POU2F1: variants seen among roughly 807,000 people sequenced by gnomAD.
The protein encoded by POU2F1 is POU domain, class 2, transcription factor 1.
POU2F1 carries 16 observed loss-of-function variants against 84.9 expected under a neutral mutation model. The observed-to-expected ratio is 0.19, with a 90% CI of 0.13 to 0.29. POU2F1 has a LOEUF of 0.29. POU2F1 is among the 10% of genes least tolerant of loss of function. POU2F1 has a pLI of 1.00. For synonymous variants in POU2F1, 368 were observed against 368.3 expected, an observed-to-expected ratio of 1.00 and a Z score of 0.01; for missense variants, 738 against 942.6, an observed-to-expected ratio of 0.78 and a Z score of 2.84.
chr1:167,290,455 T>TTA (rs1653846395), intron 1 of POU2F1, among the ~76,000 whole-genome samples: 1 of 152,230 alleles, frequency 6.6e-6, no homozygotes, highest in Admixed American at 6.5e-5. Flanking sequence ...ATGCATATGA[T>TTA]TATACCCTTT....
At chr1:167,278,237 G>A (rs1317324140) in intron 1 of POU2F1, among the ~76,000 whole-genome samples, 3 of 152,008 alleles carry the variant, frequency 2.0e-5, no homozygotes, top group Admixed American at 6.6e-5. Context: ...CATTCTTCAC[G>A]TCTCAACACA....
chr1:167,310,202 G>A (rs186599688), intron 1 of POU2F1, among the ~76,000 whole-genome samples: 92 of 152,148 alleles, frequency 6.0e-4, no homozygotes, highest in Non-Finnish European at 1.0e-3. Context: ...GAAGAAAGGG[G>A]AATAAAGAAA....
intron 1 of POU2F1, among the ~76,000 whole-genome samples, chr1:167,221,883 C>G (rs1008522012): frequency 1.3e-5 from 2 of 151,892 alleles, no homozygotes; most frequent in Admixed American, 1.3e-4. Context: ...GAGGGGATGT[C>G]CTCTGGGGCG....
intron 2 of POU2F1, among the ~76,000 whole-genome samples, chr1:167,361,514 A>T (rs1372731551): frequency 6.6e-6 from 1 of 152,162 alleles, no homozygotes; most frequent in Non-Finnish European, 1.5e-5. Flanking sequence ...ACATCCCAGA[A>T]ATAAAGCCCA....
intron 1 of POU2F1, among the ~76,000 whole-genome samples, chr1:167,293,027 C>G (rs1654032194): frequency 6.6e-6 from 1 of 152,120 alleles, no homozygotes; most frequent in Non-Finnish European, 1.5e-5. Flanking sequence ...AAAGCCATAT[C>G]TGACAAACCC....
rs1199850855 is a variant in POU2F1, at chr1:167,383,796, C to T, written c.719-61C>T. ...CAGCTCATTTTCTGATTCTTTCTTTCTTTTGCCATGTGTTCGAAGAAATCT... is the reference window on the plus strand; with the variant it reads ...CAGCTCATTTTCTGATTCTTTCTTTTTTTTGCCATGTGTTCGAAGAAATCT... On this transcript the variant is annotated intron_variant, in intron 7 of 15. Coordinates refer to ENST00000367866, the MANE Select transcript of POU2F1 (RefSeq NM_002697.4). 7.0e-6 allele frequency: 10 copies of T among 1,432,454 alleles called. No individual in the cohort carries two copies. In the East Asian group the frequency reaches 2.3e-4, roughly 33 times the overall value. 88.7% of individuals were successfully genotyped at this position (1,432,454 alleles called of 1,614,324 possible).
At chr1:167,324,032 G>T (rs907856641) in intron 1 of POU2F1, among the ~76,000 whole-genome samples, 4 of 151,936 alleles carry the variant, frequency 2.6e-5, no homozygotes, top group Non-Finnish European at 5.9e-5. Flanking sequence ...CCAAGGAAAA[G>T]AATAGAAAAA....
chr1:167,323,667 G>A (rs1244445784), intron 1 of POU2F1, among the ~76,000 whole-genome samples: 1 of 152,068 alleles, frequency 6.6e-6, no homozygotes, highest in Non-Finnish European at 1.5e-5. Flanking sequence ...GTTCATGCTA[G>A]TTGTACTAAT....
chr1:167,399,441 T>C, intron 12 of POU2F1, 76 bp downstream of exon 12: 1 of 1,246,246 alleles, frequency 8.0e-7, no homozygotes, highest in Non-Finnish European at 1.1e-6. Flanking sequence ...TAAATCAGTT[T>C]ATTTCATAAT....
chr1:167,240,319 A>G (rs935037415), intron 1 of POU2F1, among the ~76,000 whole-genome samples: 2 of 152,232 alleles, frequency 1.3e-5, no homozygotes, highest in East Asian at 1.9e-4. Flanking sequence ...AGTCCGATAT[A>G]AAACAAAAGG....
chr1:167,268,009 C>T (rs1315139676), intron 1 of POU2F1, among the ~76,000 whole-genome samples: 1 of 152,076 alleles, frequency 6.6e-6, no homozygotes. Context: ...TGTGTTTACC[C>T]TGCAGGTGGC....
At chr1:167,232,378 G>A (rs1050529334) in intron 1 of POU2F1, among the ~76,000 whole-genome samples, 5 of 152,096 alleles carry the variant, frequency 3.3e-5, no homozygotes, top group African/African-American at 1.2e-4. Flanking sequence ...TGATGTCTGT[G>A]TTTGTGTCTT....
chr1:167,221,029 T>G (rs1571102225), intron 1 of POU2F1, 71 bp downstream of exon 1: 2 of 1,316,046 alleles, frequency 1.5e-6, no homozygotes. Context: ...CCCCCGCGAC[T>G]TAGCATAATT....
At chr1:167,221,786 C>CG (rs1266657836) in intron 1 of POU2F1, among the ~76,000 whole-genome samples, 1 of 150,964 alleles carries the variant, frequency 6.6e-6, no homozygotes, top group Non-Finnish European at 1.5e-5. Flanking sequence ...CCTGGGGCGG[C>CG]GGGGGTGGGG....
intron 1 of POU2F1, among the ~76,000 whole-genome samples, chr1:167,246,457 TTTCTC>T (rs1330267442): frequency 1.3e-5 from 2 of 152,234 alleles, no homozygotes; most frequent in Admixed American, 6.5e-5. Context: ...GTGTTTTACT[TTTCTC>T]TTTAGGTCTT....
chr1:167,360,411 G>T (rs1659280202), intron 2 of POU2F1, among the ~76,000 whole-genome samples: 1 of 152,144 alleles, frequency 6.6e-6, no homozygotes, highest in Admixed American at 6.5e-5. Context: ...TCATTCTTCT[G>T]CATATGGTCA....
rs1326620253 is a variant in POU2F1 at position 167,418,343 on chromosome 1, TCTC to T, written c.*2537_*2539del. The T allele has an allele frequency of 6.6e-6, 1 of 152,228 alleles. No individual in the cohort carries two copies. Among genetic ancestry groups the T allele is most frequent in the African/African-American group, 2.4e-5 (1 of 41,456 alleles). The allele number at this position is 152,228 out of a possible 1,614,324, so 9.4% of individuals were successfully genotyped here. On this transcript the variant is annotated 3_prime_UTR_variant, in exon 16 of 16. Transcript: ENST00000367866. ...AATGACAATGTCAATTACTAATTTC[TCTC>T]CTCTCCATTCACTTTTTCTCTGTTG...
intron 1 of POU2F1, 104 bp from the exon 2 acceptor site, chr1:167,332,366 A>G: frequency 1.3e-6 from 1 of 756,758 alleles, no homozygotes; most frequent in Non-Finnish European, 2.3e-6. Flanking sequence ...AAACTATATG[A>G]CTATAACATT....
At chr1:167,282,408 T>G (rs911183682) in intron 1 of POU2F1, among the ~76,000 whole-genome samples, 1 of 152,188 alleles carries the variant, frequency 6.6e-6, no homozygotes, top group Non-Finnish European at 1.5e-5. Flanking sequence ...CCTCCCGAAG[T>G]GCTGGGATTA....
Sources: gnomAD v4.1 joint callset for allele counts (sites outside exome capture counted in the v4.1 genomes callset) on GRCh38, gnomAD v4.1.1 for gene constraint, MANE v1.5 for transcripts, NCBI Gene and HGNC (gene_info 2026-07-23, HGNC 2026-07-21) for gene names.